The following TMEM156 variants were observed in gnomAD, a reference collection of about 807,000 sequenced individuals.
TMEM156 encodes the protein transmembrane protein 156.
A neutral mutation model predicts 30.5 loss-of-function variants in TMEM156; 28 were observed. The ratio of observed to expected loss-of-function variants is 0.92; its 90% CI spans 0.68 to 1.26. The LOEUF is 1.26. TMEM156 is among the 50% of genes most tolerant of loss of function. The pLI, the probability that TMEM156 is intolerant of heterozygous loss-of-function variation, is 0.00. For missense variants in TMEM156, 351 were observed against 340.6 expected, an observed-to-expected ratio of 1.03 and a Z score of -0.24; for synonymous variants, 137 against 119.9, an observed-to-expected ratio of 1.14 and a Z score of -0.93.
chr4:38,970,889 C>T, intron 6 of TMEM156, 143 bp downstream of exon 6: 1 of 544,184 alleles, frequency 1.8e-6, no homozygotes, highest in South Asian at 2.2e-5. Context: ...TATTTCATGT[C>T]ATCTAATTCA....
intron 3 of TMEM156, among the ~76,000 whole-genome samples, chr4:38,990,289 A>G (rs1274080735): frequency 6.6e-6 from 1 of 152,230 alleles, no homozygotes; most frequent in African/African-American, 2.4e-5. Context: ...GCATTCATTT[A>G]GAGAGGTGGC....
At chr4:39,005,627 C>G (rs1713677440) in intron 1 of TMEM156, among the ~76,000 whole-genome samples, 1 of 152,048 alleles carries the variant, frequency 6.6e-6, no homozygotes, top group African/African-American at 2.4e-5. Context: ...GTGTTATATC[C>G]TAATTGTGGT....
intron 5 of TMEM156, among the ~76,000 whole-genome samples, chr4:38,976,289 CAAAAAAA>C (rs34271253): frequency 2.6e-4 from 19 of 74,328 alleles, no homozygotes; most frequent in East Asian, 7.2e-4. Flanking sequence ...GACTCCGTCT[CAAAAAAA>C]AAAAAAAAAA....
intron 1 of TMEM156, among the ~76,000 whole-genome samples, chr4:39,008,234 GAT>G (rs1264601687): frequency 6.6e-6 from 1 of 152,022 alleles, no homozygotes; most frequent in Non-Finnish European, 1.5e-5. Flanking sequence ...TATCATCATT[GAT>G]AATATTTCTT....
chr4:39,000,950 T>C (rs1383498257), intron 1 of TMEM156, among the ~76,000 whole-genome samples: 1 of 152,112 alleles, frequency 6.6e-6, no homozygotes, highest in Non-Finnish European at 1.5e-5. Context: ...TTTAAATTCA[T>C]CTTTCCTTTA....
chr4:39,003,171 C>T (rs539351931), intron 1 of TMEM156, among the ~76,000 whole-genome samples: 4 of 151,492 alleles, frequency 2.6e-5, no homozygotes, highest in Admixed American at 6.6e-5. Flanking sequence ...ATAGTAATTC[C>T]ATAAGTGTTG....
chr4:38,999,654 G>A (rs910439086), intron 1 of TMEM156, among the ~76,000 whole-genome samples: 3 of 152,156 alleles, frequency 2.0e-5, no homozygotes, highest in East Asian at 1.9e-4. Flanking sequence ...GTCCAACATC[G>A]TTTCAGTAGT....
chr4:38,974,837 A>T (rs989465645), intron 5 of TMEM156, among the ~76,000 whole-genome samples: 2 of 151,568 alleles, frequency 1.3e-5, no homozygotes, highest in Admixed American at 6.6e-5. Context: ...CACCCAGCAA[A>T]TTTTTTTGTA....
chr4:39,029,833 A>G (rs946574644), intron 1 of TMEM156, among the ~76,000 whole-genome samples: 2 of 152,162 alleles, frequency 1.3e-5, no homozygotes, highest in African/African-American at 2.4e-5. Flanking sequence ...AAAAGATGTT[A>G]CTGGTGATCC....
At chr4:38,979,273 G>A (rs575011596) in intron 5 of TMEM156, among the ~76,000 whole-genome samples, 1 of 152,180 alleles carries the variant, frequency 6.6e-6, no homozygotes, top group South Asian at 2.1e-4. Flanking sequence ...CAGCAGCCAA[G>A]CAGCCAGTCC....
chr4:39,023,401 A>G lies in TMEM156; in HGVS notation c.88+8825T>C, dbSNP rs142809074. 6.1e-3 allele frequency among the ~76,000 whole-genome samples: 925 copies of G among 152,380 alleles called. 9 individuals carry two copies. Among genetic ancestry groups the G allele is most frequent in the African/African-American group, 0.021 (862 of 41,596 alleles). On this transcript the variant is annotated intron_variant, in intron 1 of 6. Coordinates refer to ENST00000381938, the MANE Select transcript of TMEM156 (RefSeq NM_024943.3). Reference sequence around the variant, plus strand: ...TTTGTACAATAATGTTCATAGCAGCATATTTATAATAGCCCAAACTTGAAA... The same window carrying G: ...TTTGTACAATAATGTTCATAGCAGCGTATTTATAATAGCCCAAACTTGAAA...
intron 5 of TMEM156, among the ~76,000 whole-genome samples, chr4:38,982,851 G>A (rs540116012): frequency 9.9e-5 from 15 of 152,186 alleles, no homozygotes; most frequent in Non-Finnish European, 2.1e-4. Context: ...AGGAGTGGAT[G>A]GAAACTCTGA....
At chr4:38,977,623 A>G (rs1722926058) in intron 5 of TMEM156, among the ~76,000 whole-genome samples, 1 of 152,242 alleles carries the variant, frequency 6.6e-6, no homozygotes, top group Non-Finnish European at 1.5e-5. Context: ...ATTCACCAAC[A>G]CTAGTTAAGG....
intron 4 of TMEM156, among the ~76,000 whole-genome samples, chr4:38,986,828 AAAAAAAAAAAAAAAAAAAAAAAAG>A (rs1712028082): frequency 7.4e-6 from 1 of 135,130 alleles, no homozygotes; most frequent in Non-Finnish European, 1.5e-5. Flanking sequence ...AAAAAAAAAA[AAAAAAAAAAAAAAAAAAAAAAAAG>A]GAAAGCGACA....
chr4:38,971,935 A>G (rs1579448688), intron 5 of TMEM156, among the ~76,000 whole-genome samples: 2 of 151,990 alleles, frequency 1.3e-5, no homozygotes, highest in African/African-American at 4.8e-5. Flanking sequence ...GATTACAGGC[A>G]TGCACCACCA....
At chr4:39,002,623 T>C (rs1291300626) in intron 1 of TMEM156, among the ~76,000 whole-genome samples, 1 of 148,368 alleles carries the variant, frequency 6.7e-6, no homozygotes, top group African/African-American at 2.5e-5. Flanking sequence ...AGCAAAGACT[T>C]GGAACCAACC....
rs1459417797 is a variant in TMEM156 at position 38,967,407 on chromosome 4, G to A, written c.*273C>T. ...GGGAATTCTCTTGCTGTTTCCATGGGTTTCATCATCTTTTTTTCCATGACT... is the reference window on the plus strand; with the variant it reads ...GGGAATTCTCTTGCTGTTTCCATGGATTTCATCATCTTTTTTTCCATGACT... On this transcript the variant is annotated 3_prime_UTR_variant, in exon 7 of 7. Transcript: ENST00000381938. 6.6e-6 allele frequency: 1 copy of A among 151,984 alleles called. No homozygotes were observed. The highest frequency in any genetic ancestry group is 1.5e-5 in the Non-Finnish European group (1 of 68,026). 9.4% of individuals were successfully genotyped at this position (151,984 alleles called of 1,614,324 possible).
intron 5 of TMEM156, among the ~76,000 whole-genome samples, chr4:38,977,965 C>T (rs1290836067): frequency 3.9e-5 from 6 of 152,160 alleles, no homozygotes; most frequent in Non-Finnish European, 8.8e-5. Flanking sequence ...TTCAAAGGTG[C>T]TTTATATCCA....
Position 38,993,747 on chromosome 4 carries a change from C to T in TMEM156, c.610G>A (p.Asp204Asn), listed in dbSNP as rs1712710239. The T allele has an allele frequency of 1.2e-6, 2 of 1,611,526 alleles. No homozygotes were observed. The highest frequency in any genetic ancestry group is 1.7e-6 in the Non-Finnish European group (2 of 1,178,058). The change falls in exon 3 of 7, where the codon GAT becomes AAT. Residue 204 changes from aspartate (D) to asparagine (N), a missense_variant. By Grantham distance (23) the Asp-to-Asn change is conservative. Transcript: ENST00000381938. ...TTCCTTAAAAACTTACTTTTTATATCCATCTCTAGGTGCAAAGAAATGTGT... is the reference window on the plus strand; with the variant it reads ...TTCCTTAAAAACTTACTTTTTATATTCATCTCTAGGTGCAAAGAAATGTGT... ...CIHISLHLEM[D>N]IKNITCSMKI...
Sources: gnomAD v4.1 joint callset for allele counts (sites outside exome capture counted in the v4.1 genomes callset) on GRCh38, gnomAD v4.1.1 for gene constraint, MANE v1.5 for transcripts, NCBI Gene and HGNC (gene_info 2026-07-23, HGNC 2026-07-21) for gene names.